OOSP4A: variants seen among roughly 807,000 people sequenced by gnomAD.
The protein encoded by OOSP4A is oocyte secreted protein family member 4A.
At chr11:59,964,351 T>C (rs895448219) in intron 1 of OOSP4A, among the ~76,000 whole-genome samples, 1 of 152,028 alleles carries the variant, frequency 6.6e-6, no homozygotes. Context: ...ATGCAAAATA[T>C]TTCCAGGTTC....
intron 2 of OOSP4A, among the ~76,000 whole-genome samples, chr11:59,966,013 A>T (rs1854094812): frequency 6.6e-6 from 1 of 152,052 alleles, no homozygotes; most frequent in South Asian, 2.1e-4. Flanking sequence ...TATTCTGGTT[A>T]AATCTAGTTT....
At chr11:59,964,148 C>CTT (rs397848906) in intron 1 of OOSP4A, 49 bp downstream of exon 1, 8,976 of 308,730 alleles carry the variant, frequency 0.029, 169 homozygotes, top group Middle Eastern at 0.036. Flanking sequence ...ATCAGCAGGG[C>CTT]TTTTTTTTTT....
intron 4 of OOSP4A, among the ~76,000 whole-genome samples, 160 bp from the exon 5 acceptor site, chr11:59,969,889 G>C (rs901504847): frequency 6.6e-6 from 1 of 152,064 alleles, no homozygotes; most frequent in South Asian, 2.1e-4. Flanking sequence ...TGTATATATC[G>C]TATTTGTGAT....
chr11:59,966,253 T>C (rs891164273), intron 2 of OOSP4A, among the ~76,000 whole-genome samples: 16 of 152,074 alleles, frequency 1.1e-4, no homozygotes, highest in Admixed American at 1.0e-3. Flanking sequence ...CATCTATTTC[T>C]AGTAAAGATT....
exon 4 of OOSP4A, chr11:59,969,270 A>G (rs1254358494): frequency 2.5e-6 from 1 of 398,706 alleles, no homozygotes; most frequent in East Asian, 3.6e-5. Flanking sequence ...AAATCCGTCC[A>G]AGAGTGTCCT....
intron 2 of OOSP4A, among the ~76,000 whole-genome samples, chr11:59,966,585 C>T (rs1854101840): frequency 6.6e-6 from 1 of 152,062 alleles, no homozygotes; most frequent in African/African-American, 2.4e-5. Flanking sequence ...AAGCAATTCT[C>T]CTGCCTCAGC....
exon 4 of OOSP4A, chr11:59,969,197 G>A (rs781053111): frequency 1.5e-5 from 6 of 398,670 alleles, no homozygotes; most frequent in South Asian, 1.3e-4. Context: ...AATGATAGCC[G>A]TCGTGAATGC....
chr11:59,969,403 A>G (rs1054944582), intron 4 of OOSP4A, 119 bp downstream of exon 4: 32 of 396,132 alleles, frequency 8.1e-5, no homozygotes, highest in Non-Finnish European at 1.2e-4. Context: ...ATATGATTTT[A>G]GTTCAGGATC....
intron 1 of OOSP4A, 49 bp downstream of exon 1, chr11:59,964,148 C>CT (rs397848906): frequency 0.19 from 58,861 of 307,230 alleles, 5,268 homozygotes; most frequent in Non-Finnish European, 0.23. Context: ...ATCAGCAGGG[C>CT]TTTTTTTTTT....
intron 4 of OOSP4A, 32 bp from the exon 5 acceptor site, chr11:59,970,017 A>G (rs1331471365): frequency 2.5e-6 from 1 of 397,762 alleles, no homozygotes; most frequent in Non-Finnish European, 4.4e-6. Context: ...CATCAGTACA[A>G]CAATGTAACT....
At chr11:59,965,495 A>G (rs1854089838) in intron 1 of OOSP4A, 40 bp from the exon 2 acceptor site, 1 of 398,152 alleles carries the variant, frequency 2.5e-6, no homozygotes, top group African/African-American at 2.1e-5. Context: ...GGGCAGACGT[A>G]CTATTTGATG....
intron 1 of OOSP4A, among the ~76,000 whole-genome samples, chr11:59,964,908 C>T (rs1051958654): frequency 6.6e-6 from 1 of 151,948 alleles, no homozygotes; most frequent in Non-Finnish European, 1.5e-5. Context: ...AGATAGATAT[C>T]ACTTACACCT....
At position 59,964,533 on chromosome 11, in the gene OOSP4A, A is replaced by G. The variant is rs555376721; in HGVS notation, c.67+434A>G. 3.9e-5 allele frequency among the ~76,000 whole-genome samples: 6 copies of G among 152,224 alleles called. No homozygotes were observed. The South Asian group carries it at 1.0e-3, about 26-fold the overall frequency. On this transcript the variant is annotated intron_variant, in intron 1 of 4. Transcript: ENST00000645590. ...AGTAGTCAGCTGTATTCAATTGTAT[A>G]TGATTCTTTTCAGAGTTGAGGCTCT...
In OOSP4A at chr11:59,964,414, T is replaced by C. The variant is rs41348749; in HGVS notation, c.67+315T>C. Among the ~76,000 whole-genome samples the C allele has an allele frequency of 8.9e-3, 1,354 of 152,174 alleles. 14 individuals carry two copies. Among genetic ancestry groups the C allele is most frequent in the African/African-American group, 0.031 (1,279 of 41,530 alleles). ...TTTGCTGAATGTGAAATACTTACAGTGACTGGCAAAATCAGGAGAGACTGC... is the reference window on the plus strand; with the variant it reads ...TTTGCTGAATGTGAAATACTTACAGCGACTGGCAAAATCAGGAGAGACTGC... On this transcript the variant is annotated intron_variant, in intron 1 of 4. Transcript: ENST00000645590.
chr11:59,968,448 T>C (rs1292723450), intron 3 of OOSP4A, among the ~76,000 whole-genome samples: 1 of 152,224 alleles, frequency 6.6e-6, no homozygotes, highest in Non-Finnish European at 1.5e-5. Context: ...TCTGTCTTGG[T>C]TGTTTTTTAT....
chr11:59,967,346 G>A (rs754429265), intron 3 of OOSP4A, among the ~76,000 whole-genome samples, 182 bp downstream of exon 3: 4 of 152,148 alleles, frequency 2.6e-5, no homozygotes, highest in African/African-American at 9.7e-5. Context: ...TGTAGTTTCC[G>A]CATGAGTAGA....
chr11:59,967,155 A>G (rs1843738527), exon 3 of OOSP4A: 2 of 398,092 alleles, frequency 5.0e-6, no homozygotes, highest in Non-Finnish European at 8.9e-6. Context: ...GTATCATGCT[A>G]TGTGCAAAGG....
intron 2 of OOSP4A, 93 bp downstream of exon 2, chr11:59,965,806 T>C (rs1488076801): frequency 7.6e-6 from 3 of 396,914 alleles, no homozygotes; most frequent in Non-Finnish European, 1.3e-5. Flanking sequence ...CACATTTTAA[T>C]TGTCAGTTAA....
chr11:59,968,632 C>T (rs1225060020), intron 3 of OOSP4A, among the ~76,000 whole-genome samples: 2 of 152,176 alleles, frequency 1.3e-5, no homozygotes, highest in Non-Finnish European at 2.9e-5. Context: ...GCATGTCTCT[C>T]GTGTCATTCT....
Sources: gnomAD v4.1 joint callset for allele counts (sites outside exome capture counted in the v4.1 genomes callset) on GRCh38, gnomAD v4.1.1 for gene constraint, MANE v1.5 for transcripts, NCBI Gene and HGNC (gene_info 2026-07-23, HGNC 2026-07-21) for gene names.